UVSSA: variants seen among roughly 807,000 people sequenced by gnomAD.
The protein encoded by UVSSA is UV stimulated scaffold protein A.
Under a neutral mutation model 73.9 loss-of-function variants are expected in UVSSA, and 72 were observed. The ratio of observed to expected loss-of-function variants is 0.97; its 90% CI spans 0.81 to 1.19. The LOEUF (loss-of-function observed/expected upper bound fraction) is 1.19, where lower values mean the gene tolerates loss of function less well. Ranked by LOEUF, UVSSA falls within the 50% of genes most tolerant of loss-of-function variation. The pLI, the probability that UVSSA is intolerant of heterozygous loss-of-function variation, is 0.00. For synonymous variants in UVSSA, 454 were observed against 391.3 expected (o/e 1.16, Z -1.89); for missense variants, 1,150 against 965.0 (o/e 1.19, Z -2.54).
chr4:1,351,857 A>C (rs762178075), intron 4 of UVSSA, 22 bp downstream of exon 4: 12 of 1,611,034 alleles, frequency 7.4e-6, no homozygotes, highest in Non-Finnish European at 1.0e-5. Flanking sequence ...GGACGGAGGG[A>C]GGGGCCCACG....
chr4:1,370,592 G>A (rs1056036189), intron 8 of UVSSA, among the ~76,000 whole-genome samples: 4 of 152,274 alleles, frequency 2.6e-5, no homozygotes, highest in Non-Finnish European at 5.9e-5. Flanking sequence ...GGGCCAGAGC[G>A]CAGTCTCTCC....
At chr4:1,350,875 T>C (rs1283914946) in intron 3 of UVSSA, among the ~76,000 whole-genome samples, 1 of 152,222 alleles carries the variant, frequency 6.6e-6, no homozygotes, top group Non-Finnish European at 1.5e-5. Context: ...CCTCACATTC[T>C]GTATAGATAG....
At chr4:1,350,757 G>A (rs1438579289) in intron 3 of UVSSA, among the ~76,000 whole-genome samples, 4 of 135,618 alleles carry the variant, frequency 2.9e-5, no homozygotes, top group African/African-American at 9.3e-5. Context: ...CAGCAAGACC[G>A]TTGTCTCTTA....
intron 7 of UVSSA, 64 bp downstream of exon 7, chr4:1,355,309 G>T (rs1017742932): frequency 1.4e-5 from 20 of 1,474,880 alleles, no homozygotes; most frequent in Middle Eastern, 1.9e-4. Flanking sequence ...GAGAAGCTGT[G>T]GGGGGGTTGT....
At chr4:1,371,629 G>A (rs183890523) in intron 8 of UVSSA, among the ~76,000 whole-genome samples, 132 of 152,332 alleles carry the variant, frequency 8.7e-4, no homozygotes, top group African/African-American at 3.0e-3. Context: ...GAAGGAGCAA[G>A]TCACATCTTA....
Position 1,353,356 on chromosome 4 carries a change from G to T in UVSSA, c.877G>T (p.Val293Leu), listed in dbSNP as rs150164998. Reference protein sequence around the residue: ...EDEDSDLEEFVRSHGLGSHKY... With the variant: ...EDEDSDLEEFLRSHGLGSHKY... The stretch of plus-strand genomic sequence containing the variant: ...CGAGGACAGCGACCTCGAGGAGTTT[G>T]TGCGGAGCCACGGGCTGGGCTCGCA... Residue 293 changes from valine (V) to leucine (L), a missense_variant, in exon 5 of 14, where the codon GTG becomes TTG. By Grantham distance (32) the Val-to-Leu change is conservative. Coordinates refer to ENST00000389851, the MANE Select transcript of UVSSA (RefSeq NM_020894.4). 6.2e-7 allele frequency: 1 copy of T among 1,608,926 alleles called. No homozygotes were observed. The highest frequency in any genetic ancestry group is 8.5e-7 in the Non-Finnish European group (1 of 1,178,294).
rs901451283 is a variant in UVSSA, at chr4:1,354,927, G to C, written c.1047+80G>C. The C allele has an allele frequency of 3.3e-6, 5 of 1,533,816 alleles. No homozygotes were observed. In the East Asian group the frequency reaches 7.3e-5, roughly 22 times the overall value. Reference sequence around the variant, plus strand: ...ATGGGGGGGGTCCCTTTCTTGGGGGGACTGTGGCCCGGTGACTGAATGGCC... The same window carrying C: ...ATGGGGGGGGTCCCTTTCTTGGGGGCACTGTGGCCCGGTGACTGAATGGCC... On this transcript the variant is annotated intron_variant, in intron 6 of 13. Transcript: ENST00000389851.
At chr4:1,360,285 G>A (rs891020263) in intron 7 of UVSSA, among the ~76,000 whole-genome samples, 5 of 152,198 alleles carry the variant, frequency 3.3e-5, no homozygotes, top group African/African-American at 4.8e-5. Flanking sequence ...CTCCCACACC[G>A]GTGGCACAGA....
intron 7 of UVSSA, chr4:1,356,811 C>A (rs1406696521): frequency 6.6e-6 from 1 of 152,506 alleles, no homozygotes; most frequent in East Asian, 1.9e-4. Flanking sequence ...TGCCCGGTCT[C>A]CACGGCATGG....
chr4:1,343,179 T>C (rs1713492834), upstream of UVSSA, among the ~76,000 whole-genome samples: 1 of 152,184 alleles, frequency 6.6e-6, no homozygotes, highest in Non-Finnish European at 1.5e-5. Flanking sequence ...GAGGAGATGC[T>C]GGCAGGGTTG....
Position 1,380,935 on chromosome 4 carries a change from C to T in UVSSA, c.1808C>T (p.Pro603Leu), listed in dbSNP as rs193009688. The change falls in exon 12 of 14, where the codon CCG (proline) becomes CTG (leucine). Residue 603 changes from proline (P) to leucine (L), a missense_variant. Transcript: ENST00000389851. ...GACGACGAAGGACGGCCGCTCGACC[C>T]GGAAGACAGGGCTCGTGAGCAGCGG... is the stretch of plus-strand genomic sequence containing the variant. ...PRDDEGRPLD[P>L]EDRAREQRRQ... 1.5e-4 allele frequency: 245 copies of T among 1,613,046 alleles called. No individual in the cohort carries two copies. Among genetic ancestry groups the T allele is most frequent in the Non-Finnish European group, 1.9e-4 (229 of 1,179,974 alleles).
chr4:1,390,950 T>A (rs570472691), downstream of UVSSA: 3 of 152,544 alleles, frequency 2.0e-5, no homozygotes, highest in Non-Finnish European at 2.9e-5. Flanking sequence ...AGATGCCTGT[T>A]GGGTCTGATT....
rs761511007 is a variant in UVSSA, at chr4:1,395,442, G to A, written c.*9481G>A. ...TCACACGTGCCGACGTGGAGTGCCC[G>A]CCTGCTCACGTGCCCATATGGAGTG... is the stretch of plus-strand genomic sequence containing the variant. On this transcript the variant is annotated 3_prime_UTR_variant, in exon 14 of 14. Transcript: ENST00000511216. 94 of 1,563,214 alleles carry A rather than the reference G, an allele frequency of 6.0e-5. 1 individual carries two copies. Among genetic ancestry groups the A allele is most frequent in the South Asian group, 1.0e-4 (9 of 89,714 alleles).
In UVSSA at chr4:1,349,801, G is replaced by A. The variant is rs1418730757; in HGVS notation, c.376G>A (p.Glu126Lys). 13 of 1,593,280 alleles carry A rather than the reference G, an allele frequency of 8.2e-6. No homozygotes were observed. Among genetic ancestry groups the A allele is most frequent in the Non-Finnish European group, 1.1e-5 (13 of 1,168,190 alleles). ...GGAAGGGTGGAATGAGAAGTTTGGG[G>A]AGGCCTACAAGAAGCTTGCCTTGGG... ...AVEGWNEKFGEAYKKLALGYH... is the reference protein window; with the variant it reads ...AVEGWNEKFGKAYKKLALGYH... Residue 126 changes from glutamate (E) to lysine (K), a missense_variant, in exon 3 of 14, where the codon GAG (glutamate) becomes AAG (lysine). Glu to Lys is a moderately conservative substitution (Grantham distance 56). Coordinates refer to ENST00000389851, the MANE Select transcript of UVSSA (RefSeq NM_020894.4).
At chr4:1,372,079 A>G (rs563417156) in intron 8 of UVSSA, among the ~76,000 whole-genome samples, 84 of 152,012 alleles carry the variant, frequency 5.5e-4, no homozygotes, top group South Asian at 1.7e-3. Context: ...TTACCCTCCT[A>G]TTTTTTACTT....
intron 5 of UVSSA, 131 bp from the exon 6 acceptor site, chr4:1,354,604 C>A: frequency 1.4e-6 from 1 of 707,306 alleles, no homozygotes; most frequent in Non-Finnish European, 2.4e-6. Flanking sequence ...TTGGGATTCC[C>A]GGGGGCAGGC....
chr4:1,348,768 C>T (rs2109051725), intron 2 of UVSSA, among the ~76,000 whole-genome samples: 1 of 152,336 alleles, frequency 6.6e-6, no homozygotes, highest in African/African-American at 2.4e-5. Context: ...GGAGTGTTGA[C>T]ATTTTGATAG....
At chr4:1,350,055 G>T (rs955349454) in intron 3 of UVSSA, among the ~76,000 whole-genome samples, 3 of 152,220 alleles carry the variant, frequency 2.0e-5, no homozygotes, top group African/African-American at 2.4e-5. Context: ...CCTGAGAGGG[G>T]CGGCGCAGCT....
rs181789486 is a variant in UVSSA, at chr4:1,355,113, G to A, written c.1048-4G>A. 3.1e-3 allele frequency: 5,058 copies of A among 1,613,410 alleles called. 9 individuals carry two copies. The highest frequency in any genetic ancestry group is 4.0e-3 in the Non-Finnish European group (4,726 of 1,179,776). On this transcript the variant is annotated splice_region_variant and splice_polypyrimidine_tract_variant and intron_variant, in intron 6 of 13. Transcript: ENST00000389851. The stretch of plus-strand genomic sequence containing the variant: ...CCTGAGCTGTTCGCACCCCCGTTTC[G>A]CAGCGCTTCACCCGCGTCGGGACCC...
Sources: gnomAD v4.1 joint callset for allele counts (sites outside exome capture counted in the v4.1 genomes callset) on GRCh38, gnomAD v4.1.1 for gene constraint, MANE v1.5 for transcripts, NCBI Gene and HGNC (gene_info 2026-07-23, HGNC 2026-07-21) for gene names.